ZFHX4: variants seen among roughly 807,000 people sequenced by gnomAD.
ZFHX4 encodes zinc finger homeobox 4, also known as zinc finger homeobox protein 4.
In ZFHX4, 56 loss-of-function variants were observed where a neutral mutation model predicts 267.6. That is an observed-to-expected ratio of 0.21 (90% CI 0.17 to 0.26). The LOEUF (loss-of-function observed/expected upper bound fraction) is 0.26. Among genes scored for constraint, ZFHX4 ranks in the 10% least tolerant of loss-of-function variants. The pLI is 1.00. For synonymous variants in ZFHX4, 1,778 were observed against 1,665.6 expected, an observed-to-expected ratio of 1.07 and a Z score of -1.64; for missense variants, 4,332 against 4,420.0, an observed-to-expected ratio of 0.98 and a Z score of 0.56.
At chr8:76,685,316 T>C (rs980709655) in intron 1 of ZFHX4, among the ~76,000 whole-genome samples, 1 of 152,158 alleles carries the variant, frequency 6.6e-6, no homozygotes, top group Non-Finnish European at 1.5e-5. Context: ...CCCTCCTTCA[T>C]TTTTTATGGT....
intron 3 of ZFHX4, 69 bp from the exon 4 acceptor site, chr8:76,778,139 G>T: frequency 1.0e-6 from 1 of 980,852 alleles, no homozygotes; most frequent in South Asian, 1.3e-5. Context: ...GCCATGGGTG[G>T]GTGTCACCTG....
intron 1 of ZFHX4, among the ~76,000 whole-genome samples, chr8:76,693,803 G>T (rs1054208714): frequency 3.9e-5 from 6 of 152,156 alleles, no homozygotes; most frequent in Admixed American, 2.6e-4. Flanking sequence ...TGCAGATTAG[G>T]AATCATTATG....
intron 1 of ZFHX4, among the ~76,000 whole-genome samples, chr8:76,703,284 C>T (rs751819927): frequency 6.6e-6 from 1 of 152,028 alleles, no homozygotes; most frequent in Non-Finnish European, 1.5e-5. Flanking sequence ...GTGTTCATTA[C>T]GCATTGCAGT....
At chr8:76,845,929 A>G (rs1812353399) in intron 6 of ZFHX4, among the ~76,000 whole-genome samples, 1 of 151,996 alleles carries the variant, frequency 6.6e-6, no homozygotes, top group African/African-American at 2.4e-5. Context: ...GTTGTCCTCA[A>G]TAACACAAAA....
chr8:76,722,709 G>A (rs1028989089), intron 3 of ZFHX4, among the ~76,000 whole-genome samples: 5 of 151,068 alleles, frequency 3.3e-5, no homozygotes, highest in Non-Finnish European at 7.4e-5. Context: ...TGCAAAAATA[G>A]CTTTGAAAAA....
At chr8:76,726,538 G>A (rs77449065) in intron 3 of ZFHX4, among the ~76,000 whole-genome samples, 5 of 152,182 alleles carry the variant, frequency 3.3e-5, no homozygotes, top group Middle Eastern at 3.4e-3. Context: ...TAGTAATGCA[G>A]TTATTACTGT....
At chr8:76,737,151 C>T (rs1033360817) in intron 3 of ZFHX4, among the ~76,000 whole-genome samples, 1 of 152,132 alleles carries the variant, frequency 6.6e-6, no homozygotes, top group Non-Finnish European at 1.5e-5. Flanking sequence ...CAGTGTTTTA[C>T]GCTCTAGGTA....
chr8:76,760,513 T>G (rs1443568073), intron 3 of ZFHX4, among the ~76,000 whole-genome samples: 10 of 152,122 alleles, frequency 6.6e-5, no homozygotes, highest in Admixed American at 6.6e-4. Context: ...AAAATTATGA[T>G]ACGTCCTGTG....
chr8:76,833,300 G>A, intron 4 of ZFHX4, 38 bp from the exon 5 acceptor site: 2 of 1,570,346 alleles, frequency 1.3e-6, no homozygotes, highest in Non-Finnish European at 1.7e-6. Context: ...AGCTGGATAT[G>A]GCATGCTGAT....
chr8:76,791,539 C>T (rs1180391938), intron 4 of ZFHX4, among the ~76,000 whole-genome samples: 3 of 152,182 alleles, frequency 2.0e-5, no homozygotes, highest in African/African-American at 4.8e-5. Flanking sequence ...ATGCCTGGAG[C>T]TATTTTTACT....
Position 76,855,143 on chromosome 8 carries a change from A to G in ZFHX4, c.8222A>G (p.Asp2741Gly). Residue 2741 changes from aspartate (D) to glycine (G), a missense_variant, in exon 10 of 11, where the codon GAT (aspartate) becomes GGT (glycine). Asp to Gly is a moderately conservative substitution (Grantham distance 94, BLOSUM62 -1). Coordinates refer to ENST00000651372, the MANE Select transcript of ZFHX4 (RefSeq NM_024721.5). The part of the protein sequence containing the change: ...DYPSLPLTKI[D>G]LSSENELAST... ...CCATCTTTGCCATTAACTAAAATTGATCTATCAAGTGAGAATGAATTGGCT... is the reference window on the plus strand; with the variant it reads ...CCATCTTTGCCATTAACTAAAATTGGTCTATCAAGTGAGAATGAATTGGCT... 6.2e-7 allele frequency: 1 copy of G among 1,613,680 alleles called. No homozygotes were observed. The highest frequency in any genetic ancestry group is 8.5e-7 in the Non-Finnish European group (1 of 1,179,744).
At chr8:76,703,441 C>T (rs1289597458) in intron 1 of ZFHX4, among the ~76,000 whole-genome samples, 1 of 152,142 alleles carries the variant, frequency 6.6e-6, no homozygotes, top group African/African-American at 2.4e-5. Context: ...CAGATACCTG[C>T]TGAGAGCTTT....
chr8:76,841,872 G>A (rs1467116976), intron 5 of ZFHX4, among the ~76,000 whole-genome samples: 1 of 152,186 alleles, frequency 6.6e-6, no homozygotes, highest in South Asian at 2.1e-4. Context: ...GGATGAAAGA[G>A]AACAGTGGGC....
intron 9 of ZFHX4, 46 bp downstream of exon 9, chr8:76,850,408 C>A (rs1388489290): frequency 2.0e-6 from 3 of 1,467,644 alleles, no homozygotes; most frequent in South Asian, 2.5e-5. Context: ...CGCTTAGGGG[C>A]TTTGCATTTG....
chr8:76,734,148 T>C (rs1223376626), intron 3 of ZFHX4, among the ~76,000 whole-genome samples: 1 of 152,208 alleles, frequency 6.6e-6, no homozygotes, highest in Non-Finnish European at 1.5e-5. Context: ...CAGCCTTTAA[T>C]GTTTAGAACA....
intron 7 of ZFHX4, 40 bp downstream of exon 7, chr8:76,849,168 T>G (rs2131934091): frequency 1.3e-6 from 2 of 1,515,766 alleles, no homozygotes; most frequent in Non-Finnish European, 1.8e-6. Flanking sequence ...AAATCTTTAT[T>G]TTTTATTGCT....
At chr8:76,722,784 A>C (rs1309979472) in intron 3 of ZFHX4, among the ~76,000 whole-genome samples, 2 of 152,016 alleles carry the variant, frequency 1.3e-5, no homozygotes, top group African/African-American at 4.8e-5. Context: ...TTGTCAGTAC[A>C]TCCACTCTAT....
At chr8:76,757,660 G>T (rs1345441521) in intron 3 of ZFHX4, among the ~76,000 whole-genome samples, 1 of 152,240 alleles carries the variant, frequency 6.6e-6, no homozygotes, top group Non-Finnish European at 1.5e-5. Context: ...AGAGAGAAAA[G>T]TGTTTTAAGT....
intron 3 of ZFHX4, among the ~76,000 whole-genome samples, chr8:76,710,063 A>G (rs2131618849): frequency 1.3e-5 from 2 of 152,298 alleles, no homozygotes; most frequent in African/African-American, 4.8e-5. Flanking sequence ...AAATGTTATA[A>G]ATCATATAAA....
Sources: gnomAD v4.1 joint callset for allele counts (sites outside exome capture counted in the v4.1 genomes callset) on GRCh38, gnomAD v4.1.1 for gene constraint, MANE v1.5 for transcripts, NCBI Gene and HGNC (gene_info 2026-07-23, HGNC 2026-07-21) for gene names.